The following KAZN variants were observed in gnomAD, a reference collection of about 807,000 sequenced individuals.
The protein encoded by KAZN is kazrin.
A neutral mutation model predicts 87.4 loss-of-function variants in KAZN; 40 were observed. The ratio of observed to expected loss-of-function variants is 0.46; its 90% confidence interval spans 0.36 to 0.60. KAZN has a LOEUF of 0.60. Among genes scored for constraint, KAZN ranks in the 20% least tolerant of loss-of-function variants. The pLI is 0.00. For synonymous variants in KAZN, 466 were observed against 458.3 expected (o/e 1.02, Z -0.22); for missense variants, 898 against 1,073.9 (o/e 0.84, Z 2.29).
intron 8 of KAZN, among the ~76,000 whole-genome samples, chr1:15,080,786 C>G (rs1195118980): frequency 1.3e-5 from 2 of 152,210 alleles, no homozygotes; most frequent in Admixed American, 1.3e-4. Flanking sequence ...CAGAGCTGGG[C>G]TGGGCTGAGA....
At chr1:14,662,028 C>G (rs1464813942) in intron 1 of KAZN, among the ~76,000 whole-genome samples, 1 of 152,148 alleles carries the variant, frequency 6.6e-6, no homozygotes, top group Non-Finnish European at 1.5e-5. Flanking sequence ...AGAAATGTTC[C>G]TTATACCATG....
intron 1 of KAZN, among the ~76,000 whole-genome samples, chr1:14,823,698 G>A (rs767226352): frequency 7.9e-5 from 12 of 152,162 alleles, no homozygotes; most frequent in African/African-American, 2.4e-4. Context: ...GGGACAGATC[G>A]TATAGTGTGT....
At chr1:14,978,847 G>A (rs754332062) in intron 2 of KAZN, among the ~76,000 whole-genome samples, 1 of 152,118 alleles carries the variant, frequency 6.6e-6, no homozygotes, top group Non-Finnish European at 1.5e-5. Flanking sequence ...AGGAGTAAAC[G>A]GGGAAGACAG....
At chr1:14,370,162 G>C (rs1366896315) in intron 2 of KAZN, among the ~76,000 whole-genome samples, 3 of 152,212 alleles carry the variant, frequency 2.0e-5, no homozygotes, top group Admixed American at 6.5e-5. Context: ...CCACCCCCAG[G>C]AACTAGAGAA....
chr1:14,340,710 A>G (rs1657617398), intron 2 of KAZN, among the ~76,000 whole-genome samples: 1 of 152,184 alleles, frequency 6.6e-6, no homozygotes. Context: ...GTCCCGTGGA[A>G]GGAGCCAGTT....
chr1:14,090,375 T>C (rs541117363), intron 1 of KAZN, among the ~76,000 whole-genome samples: 26 of 151,944 alleles, frequency 1.7e-4, no homozygotes, highest in African/African-American at 5.3e-4. Context: ...TCACTAATTT[T>C]TCTCTCTCTC....
intron 1 of KAZN, among the ~76,000 whole-genome samples, chr1:14,105,246 A>G (rs1644342698): frequency 6.6e-6 from 1 of 152,216 alleles, no homozygotes; most frequent in Admixed American, 6.5e-5. Context: ...AAGGATCAGG[A>G]TCTGTTGAGT....
chr1:14,655,220 T>A (rs544000217), intron 1 of KAZN, among the ~76,000 whole-genome samples: 1 of 152,162 alleles, frequency 6.6e-6, no homozygotes, highest in Non-Finnish European at 1.5e-5. Context: ...TCTATCCATT[T>A]TCTCCCCAAG....
chr1:14,486,650 C>A (rs1221214727), intron 2 of KAZN, among the ~76,000 whole-genome samples: 1 of 152,162 alleles, frequency 6.6e-6, no homozygotes, highest in African/African-American at 2.4e-5. Context: ...ATGGTTGAGT[C>A]AGATAGACTC....
At chr1:14,051,803 T>C (rs1024287725) in intron 1 of KAZN, among the ~76,000 whole-genome samples, 1 of 152,008 alleles carries the variant, frequency 6.6e-6, no homozygotes, top group Non-Finnish European at 1.5e-5. Flanking sequence ...TTGCACCACT[T>C]CACTCCAGCC....
chr1:14,978,928 G>A (rs956423556), intron 2 of KAZN, among the ~76,000 whole-genome samples: 27 of 151,948 alleles, frequency 1.8e-4, no homozygotes, highest in East Asian at 2.0e-4. Context: ...TTTTTGAGAC[G>A]GAGTCTTGCT....
chr1:14,531,556 T>C (rs1042967441), intron 2 of KAZN, among the ~76,000 whole-genome samples: 7 of 151,956 alleles, frequency 4.6e-5, no homozygotes, highest in Non-Finnish European at 8.8e-5. Context: ...GGGGAAGGAC[T>C]AGAGGGGCTT....
At chr1:14,121,339 A>G (rs190064275) in intron 1 of KAZN, among the ~76,000 whole-genome samples, 136 of 152,344 alleles carry the variant, frequency 8.9e-4, no homozygotes, top group Non-Finnish European at 1.6e-3. Flanking sequence ...TTTACCATAT[A>G]CCAACCTGAA....
chr1:14,489,465 C>T (rs1669532662), intron 2 of KAZN, among the ~76,000 whole-genome samples: 1 of 152,094 alleles, frequency 6.6e-6, no homozygotes, highest in South Asian at 2.1e-4. Context: ...CACAGCGGCT[C>T]ATGCCTGTAA....
chr1:14,505,910 G>C (rs1670561286), intron 2 of KAZN, among the ~76,000 whole-genome samples: 1 of 152,098 alleles, frequency 6.6e-6, no homozygotes, highest in South Asian at 2.1e-4. Flanking sequence ...GGAGGTGGAG[G>C]TTGCAGTGAG....
At chr1:14,621,344 A>C (rs1187324743) in intron 1 of KAZN, among the ~76,000 whole-genome samples, 1 of 152,220 alleles carries the variant, frequency 6.6e-6, no homozygotes, top group East Asian at 1.9e-4. Flanking sequence ...GTCACTTCTG[A>C]ATGCAGAAAG....
chr1:14,181,918 C>T lies in KAZN; in HGVS notation c.249+1326C>T, dbSNP rs970555579. Among the ~76,000 whole-genome samples the T allele has an allele frequency of 2.0e-5, 3 of 152,132 alleles. No homozygotes were observed. The South Asian group carries it at 6.2e-4, about 32-fold the overall frequency. ...CCCAAAAGGCATTGTGTGTAAACTC[C>T]AGTTTGCAAAACCTAAGGTACTGAA... On this transcript the variant is annotated intron_variant, in intron 2 of 16. Coordinates refer to the KAZN transcript ENST00000636203.
At chr1:14,298,119 G>C (rs1014669284) in intron 2 of KAZN, among the ~76,000 whole-genome samples, 7 of 152,110 alleles carry the variant, frequency 4.6e-5, no homozygotes, top group Non-Finnish European at 1.5e-5. Context: ...CAACTACTTG[G>C]GGGGCTGAGG....
At chr1:15,041,346 T>TTTTTTTTG (rs1672904192) in intron 3 of KAZN, among the ~76,000 whole-genome samples, 1 of 144,948 alleles carries the variant, frequency 6.9e-6, no homozygotes, top group Non-Finnish European at 1.5e-5. Flanking sequence ...TTTTTTTTTT[T>TTTTTTTTG]GTTTTTTTGA....
Sources: gnomAD v4.1 joint callset for allele counts (sites outside exome capture counted in the v4.1 genomes callset) on GRCh38, gnomAD v4.1.1 for gene constraint, MANE v1.5 for transcripts, NCBI Gene and HGNC (gene_info 2026-07-23, HGNC 2026-07-21) for gene names.